Variants in DDAH1 observed in about 807,000 individuals in gnomAD.
The protein encoded by DDAH1 is N(G),N(G)-dimethylarginine dimethylaminohydrolase 1.
Under a neutral mutation model 28.8 loss-of-function variants are expected in DDAH1, and 19 were observed. That is an observed-to-expected ratio of 0.66 (90% CI 0.46 to 0.97). The LOEUF is 0.97. DDAH1 is among the 50% of genes least tolerant of loss of function. DDAH1 has a pLI of 0.00. For synonymous variants in DDAH1, 153 were observed against 154.4 expected (o/e 0.99, Z 0.07); for missense variants, 326 against 375.9 (o/e 0.87, Z 1.10).
intron 4 of DDAH1, among the ~76,000 whole-genome samples, chr1:85,346,116 G>A (rs1204334711): frequency 6.6e-6 from 1 of 152,170 alleles, no homozygotes; most frequent in Non-Finnish European, 1.5e-5. Flanking sequence ...GGGGCTCTCA[G>A]CTTTACCTAA....
chr1:85,402,924 A>C (rs1267865669), intron 1 of DDAH1, among the ~76,000 whole-genome samples: 1 of 151,020 alleles, frequency 6.6e-6, no homozygotes, highest in African/African-American at 2.4e-5. Context: ...AAAAAAAAAA[A>C]AACTTCTGAC....
At chr1:85,389,490 A>G (rs1401520064) in intron 1 of DDAH1, among the ~76,000 whole-genome samples, 5 of 152,124 alleles carry the variant, frequency 3.3e-5, no homozygotes, top group African/African-American at 1.2e-4. Context: ...CACTGAACAG[A>G]TGTGTGTTGA....
At chr1:85,560,082 C>T (rs1415271344) in intron 1 of DDAH1, among the ~76,000 whole-genome samples, 3 of 151,846 alleles carry the variant, frequency 2.0e-5, no homozygotes, top group African/African-American at 7.3e-5. Context: ...AGACTAATTA[C>T]CTACAAGTAA....
chr1:85,393,187 T>C (rs1032462124), intron 1 of DDAH1, among the ~76,000 whole-genome samples: 28 of 152,356 alleles, frequency 1.8e-4, no homozygotes, highest in Admixed American at 7.2e-4. Context: ...CATTGTTCTG[T>C]ACACTATGTA....
chr1:85,552,869 A>G (rs1466742612), intron 1 of DDAH1, among the ~76,000 whole-genome samples: 1 of 152,160 alleles, frequency 6.6e-6, no homozygotes, highest in African/African-American at 2.4e-5. Flanking sequence ...TTCTATAGGT[A>G]GCCTCGCATC....
rs943423574 is a variant in DDAH1 at position 85,319,277 on chromosome 1, C to T, written c.*2175G>A. ...GGCACACAGAGTCTAAGTGATTTCT[C>T]CAGACAAAAGAGAAGGAAAGACAGA... On this transcript the variant is annotated 3_prime_UTR_variant, in exon 6 of 6. Coordinates refer to ENST00000284031, the MANE Select transcript of DDAH1 (RefSeq NM_012137.4). The T allele has an allele frequency of 1.3e-5, 2 of 152,012 alleles. No homozygotes were observed. Among genetic ancestry groups the T allele is most frequent in the African/African-American group, 2.4e-5 (1 of 41,362 alleles). 9.4% of individuals were successfully genotyped at this position (152,012 alleles called of 1,614,324 possible).
At chr1:85,575,233 AAAAACAAAAC>A (rs527513039) in intron 1 of DDAH1, among the ~76,000 whole-genome samples, 44 of 152,252 alleles carry the variant, frequency 2.9e-4, no homozygotes, top group African/African-American at 8.2e-4. Flanking sequence ...CATGTTACAA[AAAAACAAAAC>A]AAAACAAAAC....
At chr1:85,541,023 T>C (rs1317215176) in intron 1 of DDAH1, among the ~76,000 whole-genome samples, 1 of 151,794 alleles carries the variant, frequency 6.6e-6, no homozygotes, top group Non-Finnish European at 1.5e-5. Context: ...ATCTATCATT[T>C]GGATGACTAA....
intron 4 of DDAH1, among the ~76,000 whole-genome samples, chr1:85,349,700 A>G (rs1210812225): frequency 1.3e-5 from 2 of 152,218 alleles, no homozygotes; most frequent in Non-Finnish European, 2.9e-5. Flanking sequence ...AAGGAGCATA[A>G]TGATGAGCAA....
At chr1:85,366,084 G>T (rs190940522) in intron 1 of DDAH1, among the ~76,000 whole-genome samples, 3 of 150,974 alleles carry the variant, frequency 2.0e-5, no homozygotes, top group African/African-American at 7.3e-5. Flanking sequence ...AGCAATTCTC[G>T]GCTGATAGCT....
intron 1 of DDAH1, among the ~76,000 whole-genome samples, chr1:85,438,910 G>A (rs564641936): frequency 2.7e-4 from 41 of 152,208 alleles, no homozygotes; most frequent in Admixed American, 9.2e-4. Context: ...CTTTATAACA[G>A]GATGGTAATT....
At chr1:85,382,960 G>A (rs1462289129) in intron 1 of DDAH1, among the ~76,000 whole-genome samples, 1 of 152,204 alleles carries the variant, frequency 6.6e-6, no homozygotes, top group Non-Finnish European at 1.5e-5. Context: ...CATTGACAAT[G>A]CACCTGGTCA....
At chr1:85,377,503 AAG>A (rs1650734973) in intron 1 of DDAH1, among the ~76,000 whole-genome samples, 1 of 152,172 alleles carries the variant, frequency 6.6e-6, no homozygotes, top group Non-Finnish European at 1.5e-5. Flanking sequence ...ACTGAAAAAC[AAG>A]AGTGAAGACC....
chr1:85,538,480 CCGGGGG>C (rs1658361474), intron 1 of DDAH1, among the ~76,000 whole-genome samples: 1 of 152,058 alleles, frequency 6.6e-6, no homozygotes, highest in Non-Finnish European at 1.5e-5. Context: ...AGGGGAACAC[CCGGGGG>C]CCTACCTCAA....
At chr1:85,462,084 G>T (rs867795112) in intron 1 of DDAH1, among the ~76,000 whole-genome samples, 1 of 152,172 alleles carries the variant, frequency 6.6e-6, no homozygotes, top group African/African-American at 2.4e-5. Flanking sequence ...ATCTGGTATG[G>T]TGTATGGCAA....
chr1:85,545,416 A>G (rs1322426627), intron 1 of DDAH1, among the ~76,000 whole-genome samples: 1 of 152,208 alleles, frequency 6.6e-6, no homozygotes, highest in African/African-American at 2.4e-5. Context: ...TTTTTTAAAG[A>G]TAAGGATCAA....
chr1:85,453,152 G>C (rs1570564036), intron 1 of DDAH1, among the ~76,000 whole-genome samples: 1 of 152,132 alleles, frequency 6.6e-6, no homozygotes, highest in Admixed American at 6.5e-5. Context: ...GCTATATCTT[G>C]TGTGTTTTTT....
At position 85,483,123 on chromosome 1, in the gene DDAH1, A is replaced by G. The variant is rs1379398964; in HGVS notation, c.-7+13043T>C. On this transcript the variant is annotated intron_variant, in intron 2 of 6. Transcript: ENST00000426972. Reference sequence around the variant, plus strand: ...CAGCTACTCGGAAGGCTTAGGCAGGAAAACCGCTTGAACCTGGGAGGGAGA... The same window carrying G: ...CAGCTACTCGGAAGGCTTAGGCAGGGAAACCGCTTGAACCTGGGAGGGAGA... Among the ~76,000 whole-genome samples the G allele has an allele frequency of 6.1e-5, 8 of 130,558 alleles. No individual in the cohort carries two copies. The East Asian group carries it at 1.3e-3, about 21-fold the overall frequency. 85.7% of individuals were successfully genotyped at this position (130,558 alleles called of 152,430 possible).
chr1:85,365,710 A>T (rs1002989905), intron 1 of DDAH1, among the ~76,000 whole-genome samples: 1 of 152,190 alleles, frequency 6.6e-6, no homozygotes, highest in Non-Finnish European at 1.5e-5. Flanking sequence ...TATAGTAGGT[A>T]GAATTCTAAA....
Sources: gnomAD v4.1 joint callset for allele counts (sites outside exome capture counted in the v4.1 genomes callset) on GRCh38, gnomAD v4.1.1 for gene constraint, MANE v1.5 for transcripts, NCBI Gene and HGNC (gene_info 2026-07-23, HGNC 2026-07-21) for gene names.